MYO1B: variants seen among roughly 807,000 people sequenced by gnomAD.
The protein encoded by MYO1B is unconventional myosin-Ib.
MYO1B carries 72 observed loss-of-function variants against 159.7 expected under a neutral mutation model. That is an observed-to-expected ratio of 0.45 (90% confidence interval 0.37 to 0.55). The LOEUF is 0.55. Ranked by LOEUF, MYO1B falls within the 20% of genes least tolerant of loss-of-function variation. The pLI is 0.00. For synonymous variants in MYO1B, 468 were observed against 473.8 expected (o/e 0.99, Z 0.16); for missense variants, 1,062 against 1,364.8 (o/e 0.78, Z 3.50).
intron 2 of MYO1B, among the ~76,000 whole-genome samples, chr2:191,281,517 T>A (rs1290253210): frequency 6.6e-6 from 1 of 152,174 alleles, no homozygotes; most frequent in Admixed American, 6.5e-5. Context: ...TGCTTTTCTG[T>A]TTGCTTTCTG....
rs530626978 is a variant in MYO1B, at chr2:191,397,481, A to G, written c.2295+984A>G. On this transcript the variant is annotated intron_variant, in intron 21 of 30. Coordinates refer to ENST00000392318, the MANE Select transcript of MYO1B (RefSeq NM_001130158.3). Reference sequence around the variant, plus strand: ...CCATTTAACCCTGAGTGGACACAGCACACGTTTCAGAGAGCACAGGGTTAG... The same window carrying G: ...CCATTTAACCCTGAGTGGACACAGCGCACGTTTCAGAGAGCACAGGGTTAG... 3.9e-3 allele frequency among the ~76,000 whole-genome samples: 598 copies of G among 152,226 alleles called. 2 individuals carry two copies. Among genetic ancestry groups the G allele is most frequent in the African/African-American group, 0.014 (577 of 41,546 alleles).
intron 3 of MYO1B, among the ~76,000 whole-genome samples, chr2:191,306,568 C>T (rs576208277): frequency 3.9e-5 from 6 of 152,010 alleles, no homozygotes; most frequent in African/African-American, 9.6e-5. Context: ...GGTTTAGGGA[C>T]GTGGTAGGCT....
intron 5 of MYO1B, among the ~76,000 whole-genome samples, chr2:191,343,890 C>A (rs534914831): frequency 2.6e-5 from 4 of 152,250 alleles, no homozygotes; most frequent in Non-Finnish European, 4.4e-5. Context: ...TTTAAAAAAA[C>A]CAATTGAGGA....
rs191524432 is a variant in MYO1B, at chr2:191,289,262, C to T, written c.136-6849C>T. 1.6e-3 allele frequency among the ~76,000 whole-genome samples: 245 copies of T among 152,316 alleles called. 1 individual carries two copies. The highest frequency in any genetic ancestry group is 5.6e-3 in the African/African-American group (233 of 41,588). ...ACACAAGTTTCCTCCGTTCTTCTTGCGTGCTTTTTACCAAAGCTTCCCAGG... is the reference window on the plus strand; with the variant it reads ...ACACAAGTTTCCTCCGTTCTTCTTGTGTGCTTTTTACCAAAGCTTCCCAGG... On this transcript the variant is annotated intron_variant, in intron 2 of 30. Coordinates refer to ENST00000392318, the MANE Select transcript of MYO1B (RefSeq NM_001130158.3).
rs1019385477 is a variant in MYO1B, at chr2:191,348,420, G to C, written c.499-1742G>C. Among the ~76,000 whole-genome samples the C allele has an allele frequency of 4.6e-5, 7 of 152,216 alleles. No individual in the cohort carries two copies. In the East Asian group the frequency reaches 1.4e-3, roughly 29 times the overall value. ...GCTCTAGATTCTGTCGCCTCCTGTG[G>C]CCAGGGACCACCTTCTGTCAAAAGG... On this transcript the variant is annotated intron_variant, in intron 6 of 30. Transcript: ENST00000392318.
intron 30 of MYO1B, among the ~76,000 whole-genome samples, chr2:191,420,127 G>A (rs1284097427): frequency 1.3e-5 from 2 of 152,120 alleles, no homozygotes; most frequent in Non-Finnish European, 1.5e-5. Flanking sequence ...ATCTGAGCCC[G>A]GGAAGGTCAA....
At position 191,289,138 on chromosome 2, in the gene MYO1B, G is replaced by A. The variant is rs184163809; in HGVS notation, c.136-6973G>A. ...CTTTTCTGTTTTGTTTATTCCTGGC[G>A]GTAGAAGGATTTCTCAGGTGGTAAA... On this transcript the variant is annotated intron_variant, in intron 2 of 30. Coordinates refer to ENST00000392318, the MANE Select transcript of MYO1B (RefSeq NM_001130158.3). Among the ~76,000 whole-genome samples the A allele has an allele frequency of 2.6e-3, 398 of 152,204 alleles. 2 individuals are homozygous for A. Among genetic ancestry groups the A allele is most frequent in the Non-Finnish European group, 3.8e-3 (261 of 68,010 alleles).
intron 3 of MYO1B, among the ~76,000 whole-genome samples, chr2:191,306,696 A>G (rs981312716): frequency 1.3e-5 from 2 of 151,474 alleles, no homozygotes; most frequent in African/African-American, 4.9e-5. Flanking sequence ...AGAAAGGGGG[A>G]TCAGAGGGAG....
intron 2 of MYO1B, among the ~76,000 whole-genome samples, chr2:191,285,561 T>G (rs1342237146): frequency 6.6e-6 from 1 of 152,144 alleles, no homozygotes; most frequent in Admixed American, 6.5e-5. Flanking sequence ...TTCCTCAAAC[T>G]TTGAATTGAG....
rs113774397 is a variant in MYO1B, at chr2:191,360,747, TGTG to T, written c.661+22_661+24del. 5,997 of 1,158,878 alleles carry T rather than the reference TGTG, an allele frequency of 5.2e-3. 179 individuals are homozygous for T. In the African/African-American group the frequency reaches 0.094, roughly 18 times the overall value. The allele number at this position is 1,158,878 out of a possible 1,614,324, so 71.8% of individuals were successfully genotyped here. Reference sequence around the variant, plus strand: ...GCTCCTCAGTAAGTCTCTGTTTCTATGTGGTGTTGTTGTTGTTGTTGTTGTTGT... The same window carrying T: ...GCTCCTCAGTAAGTCTCTGTTTCTATGTGTTGTTGTTGTTGTTGTTGTTGT... On this transcript the variant is annotated intron_variant, in intron 8 of 30. Coordinates refer to ENST00000392318, the MANE Select transcript of MYO1B (RefSeq NM_001130158.3).
intron 11 of MYO1B, among the ~76,000 whole-genome samples, chr2:191,368,678 A>G (rs1036425959): frequency 1.1e-4 from 17 of 152,150 alleles, no homozygotes; most frequent in African/African-American, 3.9e-4. Flanking sequence ...TAAATACTCA[A>G]GTGATTAGTG....
intron 27 of MYO1B, among the ~76,000 whole-genome samples, chr2:191,412,305 T>C (rs1697297040): frequency 2.0e-5 from 3 of 152,262 alleles, no homozygotes; most frequent in African/African-American, 7.2e-5. Context: ...AATAACCTTC[T>C]TAATGAACAT....
chr2:191,328,194 G>T (rs939976324), intron 3 of MYO1B, among the ~76,000 whole-genome samples: 3 of 152,166 alleles, frequency 2.0e-5, no homozygotes, highest in African/African-American at 7.2e-5. Context: ...TGAATCCTAG[G>T]ACACTTTACT....
At chr2:191,334,359 G>A (rs1048093334) in intron 4 of MYO1B, among the ~76,000 whole-genome samples, 2 of 152,070 alleles carry the variant, frequency 1.3e-5, no homozygotes, top group Admixed American at 1.3e-4. Context: ...ATGGGCTCAT[G>A]TATCTTCCTT....
intron 3 of MYO1B, among the ~76,000 whole-genome samples, chr2:191,327,346 G>C (rs1384998534): frequency 6.6e-6 from 1 of 152,076 alleles, no homozygotes; most frequent in Non-Finnish European, 1.5e-5. Flanking sequence ...ATTCTGGTAG[G>C]GAATAAGAAG....
At chr2:191,352,556 G>A (rs1692995573) in intron 7 of MYO1B, among the ~76,000 whole-genome samples, 1 of 152,128 alleles carries the variant, frequency 6.6e-6, no homozygotes, top group South Asian at 2.1e-4. Context: ...TATCCATGGA[G>A]AATAAATATT....
chr2:191,280,076 G>A lies in MYO1B; in HGVS notation c.135+3046G>A, dbSNP rs73981537. ...CATATTTAGAAATGAAAAATAGTCT[G>A]TATCTTCCCAGAGCTCTCGTGAGGG... On this transcript the variant is annotated intron_variant, in intron 2 of 30. Transcript: ENST00000392318. Among the ~76,000 whole-genome samples, 1,002 of 152,268 alleles carry A rather than the reference G, an allele frequency of 6.6e-3. 12 individuals carry two copies. The highest frequency in any genetic ancestry group is 0.023 in the African/African-American group (963 of 41,548).
At chr2:191,319,670 C>CT in intron 3 of MYO1B, among the ~76,000 whole-genome samples, 1 of 152,258 alleles carries the variant, frequency 6.6e-6, no homozygotes, top group East Asian at 1.9e-4. Flanking sequence ...AGACTGCCCC[C>CT]AAAATCCTTG....
At chr2:191,407,513 G>GA (rs961971158) in intron 24 of MYO1B, 1 of 152,124 alleles carries the variant, frequency 6.6e-6, no homozygotes, top group African/African-American at 2.4e-5. Flanking sequence ...ATGTAGCAAG[G>GA]AAAAAATGTG....
Sources: allele counts gnomAD v4.1 joint callset (sites outside exome capture counted in the v4.1 genomes callset), GRCh38; gene constraint gnomAD v4.1.1; transcripts MANE v1.5; gene names NCBI Gene and HGNC (gene_info 2026-07-23, HGNC 2026-07-21).